Variants in PCDH11X observed in about 807,000 individuals in gnomAD.
PCDH11X encodes the protein protocadherin-11 X-linked.
A neutral mutation model predicts 53.3 loss-of-function variants in PCDH11X; 18 were observed. The ratio of observed to expected loss-of-function variants is 0.34; its 90% CI spans 0.23 to 0.50. The LOEUF is 0.50. Ranked by LOEUF, PCDH11X falls within the 20% of genes least tolerant of loss-of-function variation. The probability of loss-of-function intolerance (pLI) is 0.98; values close to 1 mark genes in which losing one functional copy is unlikely to be tolerated. For missense variants in PCDH11X, 570 were observed against 1,032.4 expected (o/e 0.55, Z 6.14); for synonymous variants, 279 against 393.3 (o/e 0.71, Z 3.44).
At chrX:92,031,231 T>A (rs1036106774) in intron 6 of PCDH11X, among the ~76,000 whole-genome samples, 16 of 110,367 alleles carry the variant, frequency 1.4e-4, no homozygotes, top group Non-Finnish European at 2.1e-4. Flanking sequence ...TGTCTAACAA[T>A]CAACGTTGAG....
intron 6 of PCDH11X, among the ~76,000 whole-genome samples, chrX:92,165,631 A>G (rs1259106551): frequency 8.9e-6 from 1 of 111,928 alleles, no homozygotes; most frequent in African/African-American, 3.2e-5. Context: ...ATGTTTGATA[A>G]TTATGACCAG....
chrX:92,499,764 C>T (rs1226854784), intron 10 of PCDH11X, among the ~76,000 whole-genome samples: 1 of 100,636 alleles, frequency 9.9e-6, no homozygotes, highest in East Asian at 3.6e-4. Flanking sequence ...CCTGGGAGGT[C>T]GAGGCTGCAG....
chrX:92,150,574 T>C (rs1282633635), intron 6 of PCDH11X, among the ~76,000 whole-genome samples: 1 of 110,215 alleles, frequency 9.1e-6, no homozygotes, highest in Non-Finnish European at 1.9e-5. Flanking sequence ...CCATGGATTT[T>C]CATAGGTCCT....
At chrX:92,284,664 A>G (rs1161326124) in intron 8 of PCDH11X, among the ~76,000 whole-genome samples, 1 of 110,365 alleles carries the variant, frequency 9.1e-6, no homozygotes, top group Non-Finnish European at 1.9e-5. Context: ...AGCTTTTAAG[A>G]AAGCTAAAAT....
chrX:92,599,038 G>A (rs945282487), intron 10 of PCDH11X, among the ~76,000 whole-genome samples: 1 of 111,036 alleles, frequency 9.0e-6, no homozygotes, highest in Admixed American at 9.6e-5. Flanking sequence ...CAGAGGCTGG[G>A]AAGCATAGTA....
chrX:92,061,009 A>G (rs1236352450), intron 6 of PCDH11X, among the ~76,000 whole-genome samples: 1 of 111,905 alleles, frequency 8.9e-6, no homozygotes, highest in African/African-American at 3.2e-5. Context: ...TTGACTTATT[A>G]ATAATAGCCA....
intron 6 of PCDH11X, among the ~76,000 whole-genome samples, chrX:91,949,697 A>T (rs999739262): frequency 9.0e-6 from 1 of 110,841 alleles, no homozygotes; most frequent in African/African-American, 3.3e-5. Context: ...GACATATTTG[A>T]TGGTTTTGTA....
intron 6 of PCDH11X, among the ~76,000 whole-genome samples, chrX:92,038,427 C>T (rs4022210): frequency 0.35 from 37,792 of 109,018 alleles, 7,151 homozygotes; most frequent in African/African-American, 0.66. Context: ...CTTCAGAGGG[C>T]GCAAGCCTCA....
At chrX:92,491,176 T>C (rs189312233) in intron 10 of PCDH11X, among the ~76,000 whole-genome samples, 72 of 110,734 alleles carry the variant, frequency 6.5e-4, no homozygotes, top group African/African-American at 2.3e-3. Flanking sequence ...CCCAGAATCG[T>C]AGTTCAAATT....
At chrX:92,201,174 A>G in intron 6 of PCDH11X, 1 of 151,039 alleles carries the variant, frequency 6.6e-6, no homozygotes, top group Non-Finnish European at 1.1e-5. Context: ...CTCTTTTTTA[A>G]TTCTAGTACC....
chrX:92,440,584 G>C (rs1245994325), intron 9 of PCDH11X, among the ~76,000 whole-genome samples: 2 of 109,839 alleles, frequency 1.8e-5, no homozygotes, highest in Non-Finnish European at 3.8e-5. Context: ...CCCTGCACAA[G>C]CTCTCTCTGC....
At chrX:92,217,477 G>A (rs1270189720) in intron 7 of PCDH11X, among the ~76,000 whole-genome samples, 1 of 98,663 alleles carries the variant, frequency 1.0e-5, no homozygotes, top group African/African-American at 3.7e-5. Flanking sequence ...TAATGGTAAA[G>A]GGATCAATTC....
intron 8 of PCDH11X, among the ~76,000 whole-genome samples, chrX:92,322,800 G>A (rs759876696): frequency 3.6e-5 from 4 of 111,446 alleles, no homozygotes; most frequent in African/African-American, 1.3e-4. Flanking sequence ...TAGCTTGAAA[G>A]CAAAGAATGA....
chrX:92,098,636 C>CTTTTTTTT (rs34306564), intron 6 of PCDH11X, among the ~76,000 whole-genome samples: 2 of 43,902 alleles, frequency 4.6e-5, no homozygotes, highest in African/African-American at 1.9e-4. Flanking sequence ...TCCAAATGCT[C>CTTTTTTTT]TTTTTTTTTT....
chrX:91,883,039 A>G (rs1939988852), intron 6 of PCDH11X: 1 of 1,093,157 alleles, frequency 9.1e-7, no homozygotes, highest in Admixed American at 2.8e-5. Context: ...TTAATTTTGT[A>G]ATCTAGATTT....
chrX:92,003,264 A>G (rs1373782764), intron 6 of PCDH11X, among the ~76,000 whole-genome samples: 1 of 101,085 alleles, frequency 9.9e-6, no homozygotes, highest in Non-Finnish European at 2.0e-5. Context: ...TTTCGAATGT[A>G]TTGTTGATTT....
chrX:92,025,060 C>T (rs2062948190), intron 6 of PCDH11X, among the ~76,000 whole-genome samples: 1 of 111,555 alleles, frequency 9.0e-6, no homozygotes, highest in Admixed American at 9.6e-5. Context: ...AGGCCATAGG[C>T]ATGGGCAAGG....
intron 8 of PCDH11X, among the ~76,000 whole-genome samples, chrX:92,282,511 G>T (rs1299583250): frequency 8.9e-6 from 1 of 111,801 alleles, no homozygotes; most frequent in Non-Finnish European, 1.9e-5. Context: ...GTAGAATATT[G>T]TACGTATGAT....
At chrX:92,455,774 A>T (rs1321256246) in intron 9 of PCDH11X, among the ~76,000 whole-genome samples, 1 of 78,816 alleles carries the variant, frequency 1.3e-5, no homozygotes, top group Non-Finnish European at 2.4e-5. Flanking sequence ...ATAATTTCAA[A>T]ATCTTACTTA....
Sources: allele counts gnomAD v4.1 joint callset (sites outside exome capture counted in the v4.1 genomes callset), GRCh38; gene constraint gnomAD v4.1.1; transcripts MANE v1.5; gene names NCBI Gene and HGNC (gene_info 2026-07-23, HGNC 2026-07-21).